Variants in NOX4 observed in about 807,000 individuals in gnomAD.
The protein encoded by NOX4 is kidney oxidase-1.
In NOX4, 69 loss-of-function variants were observed where a neutral mutation model predicts 87.6. That is an observed-to-expected ratio of 0.79 (90% CI 0.65 to 0.96). The LOEUF (loss-of-function observed/expected upper bound fraction) is 0.96. Among genes scored for constraint, NOX4 ranks in the 40% least tolerant of loss-of-function variants. The pLI is 0.00. For synonymous variants in NOX4, 275 were observed against 238.2 expected, an observed-to-expected ratio of 1.15 and a Z score of -1.42; for missense variants, 680 against 681.5, an observed-to-expected ratio of 1.00 and a Z score of 0.02.
chr11:89,384,721 T>C (rs1303424297), intron 11 of NOX4, among the ~76,000 whole-genome samples: 1 of 152,192 alleles, frequency 6.6e-6, no homozygotes, highest in African/African-American at 2.4e-5. Context: ...CAACCATTTT[T>C]CATTACACAC....
At chr11:89,560,459 G>A in the NOX4 span, among the ~76,000 whole-genome samples, 166 of 152,116 alleles carry the variant, frequency 1.1e-3, no homozygotes, top group African/African-American at 3.6e-3. Context: ...CAATTGTGAT[G>A]GTTAATTTTA....
intron 12 of NOX4, among the ~76,000 whole-genome samples, chr11:89,365,776 A>AAC (rs1938932550): frequency 1.3e-5 from 2 of 149,982 alleles, no homozygotes; most frequent in South Asian, 4.2e-4. Flanking sequence ...AAAAAAAAAA[A>AAC]CAGGAGATTT....
At chr11:89,438,279 A>G (rs1470253336) in intron 6 of NOX4, among the ~76,000 whole-genome samples, 1 of 134,706 alleles carries the variant, frequency 7.4e-6, no homozygotes, top group Non-Finnish European at 1.5e-5. Context: ...ATAATAATAT[A>G]TATACTACAT....
chr11:89,468,581 A>G (rs757305287), intron 2 of NOX4, among the ~76,000 whole-genome samples: 22 of 152,328 alleles, frequency 1.4e-4, no homozygotes, highest in South Asian at 8.3e-4. Context: ...TGAATTTCCT[A>G]TTAAACAATG....
the NOX4 span, among the ~76,000 whole-genome samples, chr11:89,537,561 A>G: frequency 1.4e-3 from 211 of 152,218 alleles, 1 homozygote; most frequent in African/African-American, 4.6e-3. Flanking sequence ...ATCATAAGAT[A>G]GTTAAATTTC....
chr11:89,382,736 T>C (rs317167), intron 11 of NOX4, among the ~76,000 whole-genome samples: 81,944 of 151,794 alleles, frequency 0.54, 23,241 homozygotes, highest in East Asian at 0.73. Flanking sequence ...ACCTCCCCTG[T>C]TCACACCCAG....
chr11:89,438,858 TTA>T (rs1217409960), intron 6 of NOX4, among the ~76,000 whole-genome samples: 2 of 43,826 alleles, frequency 4.6e-5, no homozygotes, highest in Non-Finnish European at 3.2e-5. Flanking sequence ...ATATAATATA[TTA>T]TATATTATAT....
At chr11:89,439,271 G>A (rs1056996247) in intron 6 of NOX4, among the ~76,000 whole-genome samples, 19 of 151,496 alleles carry the variant, frequency 1.3e-4, no homozygotes, top group Middle Eastern at 3.4e-3. Flanking sequence ...TGGTTGATAC[G>A]TAAAGTTTTC....
the NOX4 span, among the ~76,000 whole-genome samples, chr11:89,566,289 C>T: frequency 1.5e-4 from 23 of 151,892 alleles, no homozygotes; most frequent in Admixed American, 5.2e-4. Flanking sequence ...GTGCTCCCCG[C>T]CCTTTGCCTC....
chr11:89,530,266 C>T, the NOX4 span, among the ~76,000 whole-genome samples: 1 of 150,494 alleles, frequency 6.6e-6, no homozygotes, highest in African/African-American at 2.4e-5. Context: ...ACTCACAGGG[C>T]TCCCATAATT....
chr11:89,585,663 GC>G, the NOX4 span, among the ~76,000 whole-genome samples: 3 of 152,140 alleles, frequency 2.0e-5, no homozygotes, highest in African/African-American at 4.8e-5. Flanking sequence ...TTGGTGATCA[GC>G]CCCTGCTTTA....
chr11:89,466,848 A>G (rs1413605907), intron 2 of NOX4, among the ~76,000 whole-genome samples: 1 of 152,184 alleles, frequency 6.6e-6, no homozygotes, highest in African/African-American at 2.4e-5. Context: ...CTGAAGAATA[A>G]AACTAGAAGT....
At chr11:89,356,435 A>AG in intron 12 of NOX4, among the ~76,000 whole-genome samples, 2 of 105,248 alleles carry the variant, frequency 1.9e-5, no homozygotes, top group Non-Finnish European at 1.7e-5. Context: ...GGGGGAAAAA[A>AG]AAAGGACAAA....
At chr11:89,565,180 A>G in the NOX4 span, among the ~76,000 whole-genome samples, 1 of 152,144 alleles carries the variant, frequency 6.6e-6, no homozygotes, top group Admixed American at 6.5e-5. Context: ...AACTATGAAC[A>G]TGTATAAAAG....
At chr11:89,508,276 T>G in the NOX4 span, among the ~76,000 whole-genome samples, 1 of 152,040 alleles carries the variant, frequency 6.6e-6, no homozygotes, top group South Asian at 2.1e-4. Flanking sequence ...GTACTACAGG[T>G]GTGATGTCTT....
At chr11:89,542,701 C>T in the NOX4 span, among the ~76,000 whole-genome samples, 1 of 152,130 alleles carries the variant, frequency 6.6e-6, no homozygotes, top group East Asian at 1.9e-4. Context: ...GGAACAAGGA[C>T]ATCATCACCT....
intron 5 of NOX4, 21 bp downstream of exon 5, chr11:89,444,114 G>C: frequency 1.9e-6 from 3 of 1,602,370 alleles, no homozygotes. Flanking sequence ...AAAGAAAAAT[G>C]GGAAGACAGA....
At chr11:89,352,844 G>A (rs1248365066) in intron 13 of NOX4, among the ~76,000 whole-genome samples, 1 of 152,138 alleles carries the variant, frequency 6.6e-6, no homozygotes, top group Admixed American at 6.6e-5. Flanking sequence ...TTTGGAGATC[G>A]AGTTTCACTC....
chr11:89,392,316 G>C (rs770973113), intron 11 of NOX4, among the ~76,000 whole-genome samples: 4 of 152,030 alleles, frequency 2.6e-5, no homozygotes, highest in Non-Finnish European at 5.9e-5. Flanking sequence ...GGGCTCCCTG[G>C]GCCACCTCAA....
Sources: allele counts gnomAD v4.1 joint callset (sites outside exome capture counted in the v4.1 genomes callset), GRCh38; gene constraint gnomAD v4.1.1; transcripts MANE v1.5; gene names NCBI Gene and HGNC (gene_info 2026-07-23, HGNC 2026-07-21).